The following MDM4 variants were observed in gnomAD, a reference collection of about 807,000 sequenced individuals.
MDM4 encodes protein Mdm4.
MDM4 carries 2 observed loss-of-function variants against 60.2 expected under a neutral mutation model. That is an observed-to-expected ratio of 0.03 (90% CI 0.01 to 0.10). The LOEUF is 0.10. Ranked by LOEUF, MDM4 falls within the 10% of genes least tolerant of loss-of-function variation. The pLI is 1.00. For missense variants in MDM4, 447 were observed against 577.5 expected (o/e 0.77, Z 2.32); for synonymous variants, 202 against 198.1 (o/e 1.02, Z -0.17).
At position 204,549,314 on chromosome 1, in the gene MDM4, C is replaced by G. The variant is rs140091735; in HGVS notation, c.1105C>G (p.Pro369Ala). Residue 369 changes from proline to alanine, a missense_variant, in exon 11 of 11, where the codon CCT becomes GCT. Coordinates refer to ENST00000367182, the MANE Select transcript of MDM4 (RefSeq NM_002393.5). ...TGATTGTCGAAGAACCATTTCGGCT[C>G]CTGTCGTTAGACCTAAAGATGCGTA... The part of the protein sequence containing the change: ...VPDCRRTISA[P>A]VVRPKDAYIK... The G allele has an allele frequency of 6.2e-7, 1 of 1,614,154 alleles. No homozygotes were observed. The highest frequency in any genetic ancestry group is 1.3e-5 in the African/African-American group (1 of 75,036).
intron 1 of MDM4, among the ~76,000 whole-genome samples, chr1:204,519,832 C>T (rs1329425948): frequency 4.0e-5 from 6 of 151,536 alleles, no homozygotes; most frequent in African/African-American, 1.5e-4. Context: ...TATATCTATT[C>T]TGTAATTTAT....
intron 9 of MDM4, 27 bp from the exon 10 acceptor site, chr1:204,546,770 A>G (rs371397708): frequency 1.7e-5 from 25 of 1,484,360 alleles, no homozygotes; most frequent in Non-Finnish European, 2.3e-5. Context: ...AGTAAACATT[A>G]CTAATGAGAT....
At chr1:204,529,373 TC>T in intron 3 of MDM4, 1 of 949,806 alleles carries the variant, frequency 1.1e-6, no homozygotes, top group Non-Finnish European at 1.7e-6. Context: ...AGCCACCCTG[TC>T]CATGAGGCCT....
At chr1:204,532,860 C>G (rs768453727) in intron 5 of MDM4, 20 of 1,591,482 alleles carry the variant, frequency 1.3e-5, no homozygotes, top group Non-Finnish European at 1.6e-5. Context: ...TTTACCCTCT[C>G]TATTTTTGGT....
chr1:204,528,847 A>G, intron 3 of MDM4: 5 of 1,548,402 alleles, frequency 3.2e-6, no homozygotes, highest in South Asian at 2.2e-5. Flanking sequence ...GGGTTGGGTC[A>G]TAGCATCCGA....
intron 5 of MDM4, chr1:204,532,812 G>A (rs999629928): frequency 6.2e-7 from 1 of 1,611,058 alleles, no homozygotes; most frequent in Non-Finnish European, 8.5e-7. Flanking sequence ...CTCTAGAGTT[G>A]GCAGATTGTA....
rs1206298960 is a variant in MDM4 at position 204,550,539 on chromosome 1, T to C, written c.*857T>C. ...TACAAAGGATATACTATCCAACATA[T>C]TGCATATTATATATGTGCTTTAAAG... On this transcript the variant is annotated 3_prime_UTR_variant, in exon 11 of 11. Coordinates refer to ENST00000367182, the MANE Select transcript of MDM4 (RefSeq NM_002393.5). The C allele has an allele frequency of 5.4e-6, 1 of 183,580 alleles. No individual in the cohort carries two copies. Among genetic ancestry groups the C allele is most frequent in the African/African-American group, 2.4e-5 (1 of 41,812 alleles). 11.4% of individuals were successfully genotyped at this position (183,580 alleles called of 1,614,324 possible).
chr1:204,546,747 CT>C, intron 9 of MDM4, 49 bp from the exon 10 acceptor site: 1 of 1,250,404 alleles, frequency 8.0e-7, no homozygotes, highest in East Asian at 2.3e-5. Context: ...GTTAATTAGC[CT>C]CATCTAAAAC....
intron 1 of MDM4, among the ~76,000 whole-genome samples, chr1:204,519,969 AAG>A (rs1352564585): frequency 6.6e-6 from 1 of 152,102 alleles, no homozygotes; most frequent in Admixed American, 6.5e-5. Context: ...ACGAAAAACT[AAG>A]AGATAAGAAA....
chr1:204,527,078 T>C (rs1269469915), intron 3 of MDM4, among the ~76,000 whole-genome samples: 9 of 150,700 alleles, frequency 6.0e-5, no homozygotes, highest in Non-Finnish European at 7.4e-5. Context: ...AGGGATTGCA[T>C]GAACCCAGGA....
At chr1:204,529,127 G>T (rs1660578552) in intron 3 of MDM4, 1 of 1,145,778 alleles carries the variant, frequency 8.7e-7, no homozygotes, top group African/African-American at 1.5e-5. Flanking sequence ...CATAACTGCT[G>T]GAAGAGCTGC....
chr1:204,532,147 G>C (rs1271371686), intron 4 of MDM4, 44 bp from the exon 5 acceptor site: 1 of 1,138,740 alleles, frequency 8.8e-7, no homozygotes, highest in Non-Finnish European at 1.3e-6. Flanking sequence ...TATCTTCATA[G>C]TGGCATTTGG....
intron 5 of MDM4, among the ~76,000 whole-genome samples, chr1:204,534,258 G>A (rs1053708891): frequency 6.6e-6 from 1 of 152,112 alleles, no homozygotes; most frequent in Admixed American, 6.5e-5. Context: ...CAAATGATAC[G>A]GCAGCTTTAT....
At chr1:204,530,871 A>G in intron 4 of MDM4, 54 bp downstream of exon 4, 1 of 1,607,586 alleles carries the variant, frequency 6.2e-7, no homozygotes, top group Non-Finnish European at 8.5e-7. Context: ...CTAGCCACTT[A>G]ATTTCTATGG....
At position 204,554,330 on chromosome 1, in the gene MDM4, T is replaced by C. The variant is rs951718813; in HGVS notation, c.*4648T>C. ...AATCTGTTTTCCATTTAGTCAGTTATCTGCTTAAATTGTTCAGAACTATAT... is the reference window on the plus strand; with the variant it reads ...AATCTGTTTTCCATTTAGTCAGTTACCTGCTTAAATTGTTCAGAACTATAT... On this transcript the variant is annotated 3_prime_UTR_variant, in exon 11 of 11. Coordinates refer to ENST00000367182, the MANE Select transcript of MDM4 (RefSeq NM_002393.5). The C allele has an allele frequency of 4.0e-5, 9 of 225,834 alleles. No individual in the cohort carries two copies. The highest frequency in any genetic ancestry group is 7.0e-5 in the Non-Finnish European group (8 of 113,608). The allele number at this position is 225,834 out of a possible 1,614,324, so 14.0% of individuals were successfully genotyped here. A position where few individuals can be genotyped will look rare whatever the true frequency, so the allele number is the denominator to read the frequency against.
At position 204,550,551 on chromosome 1, in the gene MDM4, T is replaced by A. The variant is rs1242014952; in HGVS notation, c.*869T>A. 5.9e-6 allele frequency: 1 copy of A among 169,292 alleles called. No homozygotes were observed. The highest frequency in any genetic ancestry group is 2.7e-5 in the African/African-American group (1 of 37,272). 10.5% of individuals were successfully genotyped at this position (169,292 alleles called of 1,614,324 possible). A position where few individuals can be genotyped will look rare whatever the true frequency, so the allele number is the denominator to read the frequency against. ...ACTATCCAACATATTGCATATTATA[T>A]ATGTGCTTTAAAGTTTTTTTTTTTT... On this transcript the variant is annotated 3_prime_UTR_variant, in exon 11 of 11. Transcript: ENST00000367182.
chr1:204,519,236 T>C (rs895048261), intron 1 of MDM4, among the ~76,000 whole-genome samples: 1 of 152,182 alleles, frequency 6.6e-6, no homozygotes, highest in African/African-American at 2.4e-5. Flanking sequence ...ATAGGATTTT[T>C]TTACTTTTTA....
In MDM4 at chr1:204,557,911, TA is replaced by T. The variant is rs2102492291; in HGVS notation, c.*8231del. 1.5e-5 allele frequency: 2 copies of T among 131,164 alleles called. No homozygotes were observed. The highest frequency in any genetic ancestry group is 7.5e-5 in the African/African-American group (2 of 26,558). 8.1% of individuals were successfully genotyped at this position (131,164 alleles called of 1,614,324 possible). ...TAAAACTTCAGTCTTTCGCTAATAA[TA>T]ATAATAATAATAATAATAACAACAA... is the stretch of plus-strand genomic sequence containing the variant. On this transcript the variant is annotated 3_prime_UTR_variant, in exon 11 of 11. Transcript: ENST00000367182.
Position 204,556,625 on chromosome 1 carries a change from G to A in MDM4, c.*6943G>A, listed in dbSNP as rs1254761433. On this transcript the variant is annotated 3_prime_UTR_variant, in exon 11 of 11. Coordinates refer to ENST00000367182, the MANE Select transcript of MDM4 (RefSeq NM_002393.5). ...GTGGGAGGATCGCTTGAGCCTGGGA[G>A]GTGGAGGTTGCAGTGAGCTGAGATG... The A allele has an allele frequency of 4.9e-6, 1 of 202,764 alleles. No individual in the cohort carries two copies. The highest frequency in any genetic ancestry group is 7.6e-5 in the East Asian group (1 of 13,176). 12.6% of individuals were successfully genotyped at this position (202,764 alleles called of 1,614,324 possible). A position where few individuals can be genotyped will look rare whatever the true frequency, so the allele number is the denominator to read the frequency against.
Sources: gnomAD v4.1 joint callset for allele counts (sites outside exome capture counted in the v4.1 genomes callset) on GRCh38, gnomAD v4.1.1 for gene constraint, MANE v1.5 for transcripts, NCBI Gene and HGNC (gene_info 2026-07-23, HGNC 2026-07-21) for gene names.